FYTTD1: variants seen among roughly 807,000 people sequenced by gnomAD.
FYTTD1 encodes forty-two-three domain containing 1.
In FYTTD1, 22 loss-of-function variants were observed where a neutral mutation model predicts 40.9. The observed-to-expected ratio is 0.54, with a 90% CI of 0.38 to 0.77. The LOEUF is 0.77. Among genes scored for constraint, FYTTD1 ranks in the 30% least tolerant of loss-of-function variants. FYTTD1 has a pLI of 0.00. For synonymous variants in FYTTD1, 140 were observed against 137.9 expected (o/e 1.01, Z -0.10); for missense variants, 351 against 392.2 (o/e 0.90, Z 0.89).
At chr3:197,749,578 AG>A, upstream of FYTTD1, 1 of 1,283,764 alleles carries the variant, frequency 7.8e-7, no homozygotes, top group African/African-American at 1.5e-5. Context: ...ACCGAAGTAT[AG>A]GGGACCTGTC....
At chr3:197,769,445 C>T (rs1285256272) in intron 3 of FYTTD1, among the ~76,000 whole-genome samples, 1 of 152,150 alleles carries the variant, frequency 6.6e-6, no homozygotes, top group African/African-American at 2.4e-5. Flanking sequence ...TTCTCATATA[C>T]TTAATAGAAG....
chr3:197,777,978 C>T (rs1232577631), intron 7 of FYTTD1, among the ~76,000 whole-genome samples: 1 of 152,162 alleles, frequency 6.6e-6, no homozygotes, highest in Admixed American at 6.5e-5. Context: ...TCCCAAAGTA[C>T]CGGGATTATA....
At chr3:197,753,614 C>G (rs1729130187) in intron 1 of FYTTD1, among the ~76,000 whole-genome samples, 1 of 151,192 alleles carries the variant, frequency 6.6e-6, no homozygotes, top group African/African-American at 2.4e-5. Flanking sequence ...TGAAAGAATC[C>G]TCTCGGCCAT....
At chr3:197,780,980 G>C (rs190553321) in intron 8 of FYTTD1, among the ~76,000 whole-genome samples, 155 of 151,822 alleles carry the variant, frequency 1.0e-3, no homozygotes, top group Admixed American at 1.8e-3. Context: ...TGGTATCCTT[G>C]AAATAATGTG....
Position 197,750,007 on chromosome 3 carries a change from G to C in FYTTD1, c.36G>C (p.Thr12=). 6.3e-7 allele frequency: 1 copy of C among 1,584,740 alleles called. No individual in the cohort carries two copies. The highest frequency in any genetic ancestry group is 8.6e-7 in the Non-Finnish European group (1 of 1,167,252). ...NRFGTRLVGA[T]ATSSPPPKAR... is the part of the protein sequence containing the mutation. ...TTGGTACCCGGTTGGTGGGAGCCAC[G>C]GCGACTTCTTCGCCGCCGCCGAAGG... Residue 12 remains threonine, a synonymous_variant, in exon 1 of 9, where the codon ACG becomes ACC. Coordinates refer to ENST00000241502, the MANE Select transcript of FYTTD1 (RefSeq NM_032288.7).
chr3:197,750,600 C>T (rs1728990277), intron 1 of FYTTD1: 4 of 985,184 alleles, frequency 4.1e-6, no homozygotes, highest in Non-Finnish European at 4.8e-6. Context: ...AGGCCGGCGC[C>T]GGCCATGGCT....
chr3:197,753,430 G>GT (rs1729122494), intron 1 of FYTTD1, among the ~76,000 whole-genome samples: 1 of 145,556 alleles, frequency 6.9e-6, no homozygotes, highest in Admixed American at 6.7e-5. Context: ...CTGTGCTGTA[G>GT]TACTTACCAC....
chr3:197,769,645 C>T (rs1342773025), intron 3 of FYTTD1, among the ~76,000 whole-genome samples: 2 of 152,122 alleles, frequency 1.3e-5, no homozygotes, highest in African/African-American at 2.4e-5. Context: ...TCTACTCCAG[C>T]GTCTTTGCTG....
chr3:197,767,986 T>C (rs1384434909), intron 2 of FYTTD1, among the ~76,000 whole-genome samples: 1 of 152,216 alleles, frequency 6.6e-6, no homozygotes, highest in Non-Finnish European at 1.5e-5. Flanking sequence ...TGAGCACATA[T>C]GAATATATTT....
chr3:197,751,726 C>T (rs1019831534), intron 1 of FYTTD1, among the ~76,000 whole-genome samples: 6 of 151,114 alleles, frequency 4.0e-5, no homozygotes, highest in East Asian at 3.9e-4. Context: ...GTGCTTACTA[C>T]CTACCAGGTC....
Position 197,786,334 on chromosome 3 carries a change from C to G in FYTTD1, c.*4425C>G, listed in dbSNP as rs565415897. The stretch of plus-strand genomic sequence containing the variant: ...TTCTCCATGTTGGTCAGGCTGGTCT[C>G]AAACTCCTGACTTCAGGTGATCTGC... On this transcript the variant is annotated 3_prime_UTR_variant, in exon 9 of 9. Transcript: ENST00000241502. 2.0e-5 allele frequency: 3 copies of G among 152,252 alleles called. No homozygotes were observed. The highest frequency in any genetic ancestry group is 6.5e-5 in the Admixed American group (1 of 15,280). 9.4% of individuals were successfully genotyped at this position (152,252 alleles called of 1,614,324 possible). A position where few individuals can be genotyped will look rare whatever the true frequency, so the allele number is the denominator to read the frequency against.
At chr3:197,770,631 G>A (rs1310325985) in intron 4 of FYTTD1, among the ~76,000 whole-genome samples, 1 of 151,956 alleles carries the variant, frequency 6.6e-6, no homozygotes, top group East Asian at 1.9e-4. Flanking sequence ...CTGGAGCCTT[G>A]GCCTGCCCTG....
At chr3:197,769,809 C>T (rs1170755520) in intron 3 of FYTTD1, among the ~76,000 whole-genome samples, 5 of 151,902 alleles carry the variant, frequency 3.3e-5, no homozygotes, top group African/African-American at 9.7e-5. Flanking sequence ...TCCAGAGCCG[C>T]GATTCCCCAT....
At chr3:197,779,777 A>G (rs1479254234) in intron 8 of FYTTD1, among the ~76,000 whole-genome samples, 1 of 144,858 alleles carries the variant, frequency 6.9e-6, no homozygotes, top group East Asian at 2.1e-4. Context: ...ACACCACCAC[A>G]CCTGGGGATA....
intron 2 of FYTTD1, chr3:197,763,329 G>A (rs1464080151): frequency 6.1e-5 from 15 of 244,572 alleles, no homozygotes; most frequent in South Asian, 3.1e-4. Context: ...CAGGAGAATC[G>A]CTTGAACTGG....
intron 3 of FYTTD1, 87 bp from the exon 4 acceptor site, chr3:197,770,045 T>G: frequency 1.3e-6 from 1 of 770,960 alleles, no homozygotes; most frequent in East Asian, 2.7e-5. Flanking sequence ...TTGTCAATCC[T>G]TGTTCATTCT....
intron 2 of FYTTD1, among the ~76,000 whole-genome samples, chr3:197,758,297 GA>G (rs1729268091): frequency 2.0e-5 from 3 of 151,888 alleles, no homozygotes; most frequent in Admixed American, 6.6e-5. Flanking sequence ...AGAGTTCATA[GA>G]ACCAGAAATA....
intron 1 of FYTTD1, among the ~76,000 whole-genome samples, chr3:197,753,246 A>C (rs1729116371): frequency 6.6e-6 from 1 of 152,220 alleles, no homozygotes; most frequent in Non-Finnish European, 1.5e-5. Context: ...GTTTTAAATC[A>C]TGGCTTTGCC....
chr3:197,754,667 C>CTTTTTT (rs545875999), intron 1 of FYTTD1, among the ~76,000 whole-genome samples: 1 of 124,372 alleles, frequency 8.0e-6, no homozygotes, highest in Non-Finnish European at 1.7e-5. Flanking sequence ...TTTTTTCTTT[C>CTTTTTT]TTTTTTTTTT....
Sources: allele counts gnomAD v4.1 joint callset (sites outside exome capture counted in the v4.1 genomes callset), GRCh38; gene constraint gnomAD v4.1.1; transcripts MANE v1.5; gene names NCBI Gene and HGNC (gene_info 2026-07-23, HGNC 2026-07-21).